Variants in ADGRA3 observed in about 807,000 individuals in gnomAD.
The protein encoded by ADGRA3 is adhesion G protein-coupled receptor A3.
ADGRA3 carries 56 observed loss-of-function variants against 119.8 expected under a neutral mutation model. The observed-to-expected ratio is 0.47, with a 90% CI of 0.38 to 0.58. The LOEUF (loss-of-function observed/expected upper bound fraction) is 0.58, where lower values mean the gene tolerates loss of function less well. Ranked by LOEUF, ADGRA3 falls within the 20% of genes least tolerant of loss-of-function variation. ADGRA3 has a pLI of 0.00. For synonymous variants in ADGRA3, 607 were observed against 623.8 expected (o/e 0.97, Z 0.40); for missense variants, 1,516 against 1,649.0 (o/e 0.92, Z 1.40).
Position 22,388,841 on chromosome 4 carries a change from T to C in ADGRA3, c.2830A>G (p.Arg944Gly). Residue 944 changes from arginine to glycine, a missense_variant, in exon 19 of 19, where the codon AGA (arginine) becomes GGA (glycine). Around this residue, in one of 2 missense-constraint regions of ADGRA3, gnomAD observed 1,088 missense variants for 1,107.1 expected, o/e 0.98. Coordinates refer to ENST00000334304, the MANE Select transcript of ADGRA3 (RefSeq NM_145290.4). ...AGCTCATATTTGCGCTCAGGGTGTC[T>C]TTTCAACTGAATAAATATGCTCAGA... ...YFLSIFIQLK[R>G]HPERKYELKE... The C allele has an allele frequency of 6.2e-7, 1 of 1,614,058 alleles. No homozygotes were observed. Among genetic ancestry groups the C allele is most frequent in the Non-Finnish European group, 8.5e-7 (1 of 1,179,974 alleles).
rs1365984190 is a variant in ADGRA3 at position 22,420,982 on chromosome 4, A to T, written c.1713T>A (p.Leu571=). The change falls in exon 12 of 19, where the codon CTT becomes CTA. Residue 571 remains leucine, a synonymous_variant. Coordinates refer to ENST00000334304, the MANE Select transcript of ADGRA3 (RefSeq NM_145290.4). The part of the protein sequence containing the change: ...QKVAASDRTG[L]SDYGRRDPEG... ...CTGGATCCCGCCTCCCATAATCCGA[A>T]AGTCCTGTACGATCAGAGGCTGCCA... The T allele has an allele frequency of 6.2e-7, 1 of 1,614,064 alleles. No homozygotes were observed. The highest frequency in any genetic ancestry group is 1.1e-5 in the South Asian group (1 of 91,082).
rs147862177 is a variant in ADGRA3 at position 22,472,540 on chromosome 4, T to C, written c.329+1232A>G. On this transcript the variant is annotated intron_variant, in intron 2 of 18. Coordinates refer to ENST00000334304, the MANE Select transcript of ADGRA3 (RefSeq NM_145290.4). Reference sequence around the variant, plus strand: ...AAAAATATTCCTGTGTGTTTCTGTATATATATATATACACACAAACACACA... The same window carrying C: ...AAAAATATTCCTGTGTGTTTCTGTACATATATATATACACACAAACACACA... Among the ~76,000 whole-genome samples, 481 of 151,766 alleles carry C rather than the reference T, an allele frequency of 3.2e-3. 4 individuals carry two copies. The highest frequency in any genetic ancestry group is 9.5e-3 in the African/African-American group (393 of 41,464).
rs1472799334 is a variant in ADGRA3, at chr4:22,387,712, GT to G, written c.3958del (p.Thr1320LeufsTer14). The part of the protein sequence containing the change: ...VRTGLWKHET[T>X]V The stretch of plus-strand genomic sequence containing the variant: ...CTAGGAAGCCCAGCAATGTTACACA[GT>G]AGTTTCGTGTTTCCATAATCCAGTC... On this transcript the variant is annotated frameshift_variant, in exon 19 of 19. Coordinates refer to ENST00000334304, the MANE Select transcript of ADGRA3 (RefSeq NM_145290.4). LOFTEE classifies it high-confidence loss of function. 4.4e-6 allele frequency: 7 copies of G among 1,602,914 alleles called. No homozygotes were observed. Among genetic ancestry groups the G allele is most frequent in the Non-Finnish European group, 6.0e-6 (7 of 1,172,842 alleles).
chr4:22,416,365 C>A (rs376577213), intron 12 of ADGRA3, among the ~76,000 whole-genome samples: 2 of 152,186 alleles, frequency 1.3e-5, no homozygotes, highest in East Asian at 3.9e-4. Context: ...TTTCGGTTTC[C>A]AGTATTTACT....
At position 22,388,364 on chromosome 4, in the gene ADGRA3, C is replaced by T; in HGVS notation, c.3307G>A (p.Ala1103Thr). 6.2e-7 allele frequency: 1 copy of T among 1,614,034 alleles called. No homozygotes were observed. Among genetic ancestry groups the T allele is most frequent in the Non-Finnish European group, 8.5e-7 (1 of 1,179,996 alleles). The change falls in exon 19 of 19, where the codon GCT (alanine) becomes ACT (threonine). Residue 1103 changes from alanine to threonine, a missense_variant. Transcript: ENST00000334304. ...SAESSCTNKS[A>T]SSFKNSSQGC... ...TGGGAGGAATTTTTGAAGCTTGAAG[C>T]ACTTTTGTTTGTGCATGAAGACTCC...
chr4:22,499,272 T>C (rs1422217612), intron 1 of ADGRA3, among the ~76,000 whole-genome samples: 2 of 152,224 alleles, frequency 1.3e-5, no homozygotes, highest in Non-Finnish European at 2.9e-5. Flanking sequence ...TTAGGTTTGG[T>C]TTCATATGTA....
At chr4:22,443,175 G>A in intron 6 of ADGRA3, 2 of 626,550 alleles carry the variant, frequency 3.2e-6, no homozygotes, top group East Asian at 5.7e-5. Flanking sequence ...AATGGCATCA[G>A]TGATAAGTAA....
rs751782928 is a variant in ADGRA3, at chr4:22,389,160, A to G, written c.2651T>C (p.Ile884Thr). 1.4e-5 allele frequency: 23 copies of G among 1,613,588 alleles called. No individual in the cohort carries two copies. Among genetic ancestry groups the G allele is most frequent in the Non-Finnish European group, 1.9e-5 (23 of 1,179,570 alleles). The change falls in exon 18 of 19, where the codon ATC (isoleucine) becomes ACC (threonine). Residue 884 changes from isoleucine (I) to threonine (T), a missense_variant. Physicochemically the swap from Ile to Thr is moderately conservative, Grantham distance 89. Coordinates refer to ENST00000334304, the MANE Select transcript of ADGRA3 (RefSeq NM_145290.4). ...MLRFYLIGGG[I>T]PIIVCGITAA... ...AGTTATGCCGCAAACAATGATGGGGATACCACCACCAATCAGGTAAAATCT... is the reference window on the plus strand; with the variant it reads ...AGTTATGCCGCAAACAATGATGGGGGTACCACCACCAATCAGGTAAAATCT...
intron 14 of ADGRA3, among the ~76,000 whole-genome samples, chr4:22,408,348 GA>G (rs35275768): frequency 0.87 from 131,653 of 151,604 alleles, 57,237 homozygotes; most frequent in East Asian, 0.98. Context: ...CAATATTGAG[GA>G]AAAAAAAAGG....
At chr4:22,397,184 T>C (rs1167516345) in intron 16 of ADGRA3, among the ~76,000 whole-genome samples, 1 of 141,494 alleles carries the variant, frequency 7.1e-6, no homozygotes. Flanking sequence ...TCTTTTTTTT[T>C]TTTTTTTTTT....
At chr4:22,508,421 C>T (rs1240803735) in intron 1 of ADGRA3, among the ~76,000 whole-genome samples, 2 of 152,174 alleles carry the variant, frequency 1.3e-5, no homozygotes, top group African/African-American at 4.8e-5. Flanking sequence ...TGGATGAAAG[C>T]ATCATGTCTT....
chr4:22,418,160 T>C (rs895917927), intron 12 of ADGRA3, among the ~76,000 whole-genome samples: 1 of 152,134 alleles, frequency 6.6e-6, no homozygotes, highest in Non-Finnish European at 1.5e-5. Flanking sequence ...TGGAAGAGAT[T>C]TGATAGATGC....
chr4:22,441,096 T>C (rs1393970848), intron 7 of ADGRA3, among the ~76,000 whole-genome samples: 1 of 152,132 alleles, frequency 6.6e-6, no homozygotes, highest in African/African-American at 2.4e-5. Flanking sequence ...GGGAAGTAAC[T>C]AGATTTTTTT....
At chr4:22,401,078 C>G (rs187587903) in intron 16 of ADGRA3, among the ~76,000 whole-genome samples, 3 of 152,206 alleles carry the variant, frequency 2.0e-5, no homozygotes, top group African/African-American at 7.2e-5. Context: ...TTTTCATCAA[C>G]ACATAAAATA....
intron 2 of ADGRA3, among the ~76,000 whole-genome samples, chr4:22,467,199 T>C (rs149101017): frequency 2.5e-3 from 374 of 152,340 alleles, no homozygotes; most frequent in Non-Finnish European, 4.1e-3. Context: ...GGTAAGTAAA[T>C]TGGTAATATG....
intron 1 of ADGRA3, among the ~76,000 whole-genome samples, chr4:22,480,132 C>T (rs960015626): frequency 6.6e-6 from 1 of 152,076 alleles, no homozygotes; most frequent in African/African-American, 2.4e-5. Flanking sequence ...TATCTCAGCA[C>T]TTAAAGTATT....
At position 22,516,048 on chromosome 4, in the gene ADGRA3, C is replaced by CTCT; in HGVS notation, c.-265_-264insAGA. On this transcript the variant is annotated 5_prime_UTR_variant, in exon 1 of 19. Transcript: ENST00000334304. ...GCACCGCCTCCTCCTCCTCCTCTGC[C>CTCT]GCCGCCGCCGCCGCCACTGCCTCCT... The CTCT allele has an allele frequency of 6.4e-6, 1 of 156,666 alleles. No individual in the cohort carries two copies. The highest frequency in any genetic ancestry group is 1.4e-5 in the Non-Finnish European group (1 of 72,108). The allele number at this position is 156,666 out of a possible 1,614,324, so 9.7% of individuals were successfully genotyped here.
intron 1 of ADGRA3, among the ~76,000 whole-genome samples, chr4:22,478,797 T>G (rs1256090132): frequency 6.6e-6 from 1 of 151,984 alleles, no homozygotes; most frequent in Non-Finnish European, 1.5e-5. Context: ...GAGATGAGCC[T>G]CAGAAAGAGA....
At position 22,464,116 on chromosome 4, in the gene ADGRA3, A is replaced by C. The variant is rs1717570464; in HGVS notation, c.330-2308T>G. Among the ~76,000 whole-genome samples the C allele has an allele frequency of 4.6e-5, 7 of 152,046 alleles. No individual in the cohort carries two copies. In the South Asian group the frequency reaches 1.5e-3, roughly 32 times the overall value. On this transcript the variant is annotated intron_variant, in intron 2 of 18. Transcript: ENST00000334304. The stretch of plus-strand genomic sequence containing the variant: ...TAAAACCAAACTCCCTGCAACCACC[A>C]CCCCCAATACTTCACAATATTTTAA...
Sources: gnomAD v4.1 joint callset for allele counts (sites outside exome capture counted in the v4.1 genomes callset) on GRCh38, gnomAD v4.1.1 for gene constraint, gnomAD v4.1.1 regional missense constraint, MANE v1.5 for transcripts, NCBI Gene and HGNC (gene_info 2026-07-23, HGNC 2026-07-21) for gene names.